ARHGAP35: variants seen among roughly 807,000 people sequenced by gnomAD.
The protein encoded by ARHGAP35 is Rho GTPase activating protein 35.
In ARHGAP35, 15 loss-of-function variants were observed where a neutral mutation model predicts 111.1. The ratio of observed to expected loss-of-function variants is 0.13; its 90% CI spans 0.09 to 0.21. ARHGAP35 has a LOEUF of 0.21. Among genes scored for constraint, ARHGAP35 ranks in the 10% least tolerant of loss-of-function variants. The probability of loss-of-function intolerance (pLI) is 1.00; values close to 1 mark genes in which losing one functional copy is unlikely to be tolerated. For synonymous variants in ARHGAP35, 643 were observed against 710.3 expected (o/e 0.91, Z 1.51); for missense variants, 1,262 against 1,873.0 (o/e 0.67, Z 6.02).
In ARHGAP35 at chr19:46,895,948, C is replaced by T. The variant is rs376391656; in HGVS notation, c.-188-22540C>T. ...TGAAACCCCATCTCTACTAAAAATA[C>T]GTAATTGGCTGGGCTTAGTGGCACA... is the stretch of plus-strand genomic sequence containing the variant. On this transcript the variant is annotated intron_variant, in intron 1 of 6. Transcript: ENST00000672722. Among the ~76,000 whole-genome samples the T allele has an allele frequency of 3.3e-4, 50 of 151,766 alleles. No individual in the cohort carries two copies. The East Asian group carries it at 5.5e-3, about 17-fold the overall frequency.
chr19:46,874,501 CTTTTTT>C (rs758783354), intron 1 of ARHGAP35, among the ~76,000 whole-genome samples: 2 of 114,466 alleles, frequency 1.7e-5, no homozygotes, highest in Admixed American at 1.0e-4. Flanking sequence ...TATGTTTTGT[CTTTTTT>C]TTTTTTTTTT....
At chr19:46,954,181 A>T (rs1043413663) in intron 3 of ARHGAP35, among the ~76,000 whole-genome samples, 1 of 152,186 alleles carries the variant, frequency 6.6e-6, no homozygotes, top group African/African-American at 2.4e-5. Context: ...AGCCCTCAGA[A>T]CCATGAGAAA....
At position 46,999,557 on chromosome 19, in the gene ARHGAP35, G is replaced by A. The variant is rs567270358; in HGVS notation, c.4142+148G>A. The A allele has an allele frequency of 1.3e-5, 8 of 612,520 alleles. No individual in the cohort carries two copies. The highest frequency in any genetic ancestry group is 4.1e-5 in the South Asian group (2 of 49,328). 37.9% of individuals were successfully genotyped at this position (612,520 alleles called of 1,614,324 possible). ...TGCTGGCTGGCCTCCCATGGTGCCC[G>A]CTGGTCTCGGTGCCCAGAGCCTCTG... On this transcript the variant is annotated intron_variant, in intron 6 of 6. Coordinates refer to ENST00000672722, the MANE Select transcript of ARHGAP35 (RefSeq NM_004491.5). This position sits in a 1 kb window ranked among gnomAD's most constrained non-coding sequence, Gnocchi z 5.4.
intron 1 of ARHGAP35, among the ~76,000 whole-genome samples, chr19:46,887,383 T>G (rs1417519080): frequency 6.6e-6 from 1 of 152,220 alleles, no homozygotes; most frequent in Non-Finnish European, 1.5e-5. Flanking sequence ...TGTAGTTTAG[T>G]TTTTTGTGCT....
At chr19:46,881,647 T>C (rs545670804) in intron 1 of ARHGAP35, among the ~76,000 whole-genome samples, 2 of 152,312 alleles carry the variant, frequency 1.3e-5, no homozygotes, top group African/African-American at 4.8e-5. Context: ...TAGAATACAG[T>C]TAGCATGATT....
intron 1 of ARHGAP35, among the ~76,000 whole-genome samples, chr19:46,877,035 A>G (rs1599794299): frequency 6.6e-6 from 1 of 151,374 alleles, no homozygotes; most frequent in Non-Finnish European, 1.5e-5. Context: ...GGATCACCTC[A>G]GGTCAGGAGT....
At chr19:46,864,808 ATTTATC>A (rs1198564633) in intron 1 of ARHGAP35, among the ~76,000 whole-genome samples, 6 of 152,204 alleles carry the variant, frequency 3.9e-5, no homozygotes, top group African/African-American at 1.4e-4. Context: ...AATTTTCTGA[ATTTATC>A]TTAGAGTTTG....
intron 1 of ARHGAP35, among the ~76,000 whole-genome samples, chr19:46,907,475 T>TC (rs536590064): frequency 0.011 from 1,329 of 125,968 alleles, 15 homozygotes; most frequent in African/African-American, 0.037. Flanking sequence ...TCTTAGCTTC[T>TC]TTTTTTGTTT....
chr19:46,890,639 T>C (rs1267057682), intron 1 of ARHGAP35, among the ~76,000 whole-genome samples: 1 of 152,210 alleles, frequency 6.6e-6, no homozygotes, highest in African/African-American at 2.4e-5. Context: ...ATTCATCTCA[T>C]TAGCTCATTG....
chr19:46,888,026 A>G (rs1031386206), intron 1 of ARHGAP35, among the ~76,000 whole-genome samples: 1 of 147,668 alleles, frequency 6.8e-6, no homozygotes, highest in African/African-American at 2.5e-5. Flanking sequence ...ATCTCGGCTT[A>G]CTGCAAGCTC....
Position 46,921,970 on chromosome 19 carries a change from A to G in ARHGAP35, c.3295A>G (p.Asn1099Asp). ...EPMDAVVKPR[N>D]EEENIYSVPH... is the part of the protein sequence containing the mutation. ...CATGGATGCTGTGGTGAAGCCAAGG[A>G]ATGAAGAAGAAAACATATACTCCGT... Residue 1099 changes from asparagine (N) to aspartate (D), a missense_variant, in exon 2 of 7, where the codon AAT becomes GAT. Transcript: ENST00000672722. The surrounding 1 kb of genome is among the most constrained non-coding windows in gnomAD (Gnocchi z 4.3). The G allele has an allele frequency of 1.2e-6, 2 of 1,614,008 alleles. No homozygotes were observed. The highest frequency in any genetic ancestry group is 1.6e-4 in the Middle Eastern group (1 of 6,062).
At chr19:46,934,285 T>A (rs1242533595) in intron 2 of ARHGAP35, among the ~76,000 whole-genome samples, 3 of 152,198 alleles carry the variant, frequency 2.0e-5, no homozygotes, top group Non-Finnish European at 4.4e-5. Context: ...TAGGAAACAT[T>A]TTAAGTGGGG....
At chr19:46,895,007 G>A (rs1217986317) in intron 1 of ARHGAP35, among the ~76,000 whole-genome samples, 2 of 152,268 alleles carry the variant, frequency 1.3e-5, no homozygotes, top group South Asian at 4.1e-4. Flanking sequence ...TAGTTGGTAG[G>A]AAAGGTACTT....
intron 1 of ARHGAP35, among the ~76,000 whole-genome samples, chr19:46,907,991 G>T (rs142108162): frequency 6.6e-6 from 1 of 152,294 alleles, no homozygotes; most frequent in African/African-American, 2.4e-5. Flanking sequence ...CATGCCATCA[G>T]GAAATAGTAA....
chr19:46,880,878 A>G (rs2055958858), intron 1 of ARHGAP35, among the ~76,000 whole-genome samples: 1 of 146,360 alleles, frequency 6.8e-6, no homozygotes, highest in Non-Finnish European at 1.5e-5. Flanking sequence ...GTCTTACTAC[A>G]TTGCCTGGGT....
rs538324466 is a variant in ARHGAP35, at chr19:46,943,408, C to G, written c.3826+6000C>G. The stretch of plus-strand genomic sequence containing the variant: ...AGGGCACACGTATGAATTGGGCTTA[C>G]GGGCTCCATAGGGTTGTATTGAATA... On this transcript the variant is annotated intron_variant, in intron 3 of 6. Coordinates refer to ENST00000672722, the MANE Select transcript of ARHGAP35 (RefSeq NM_004491.5). Among the ~76,000 whole-genome samples the G allele has an allele frequency of 2.0e-5, 3 of 152,258 alleles. No individual in the cohort carries two copies. In the East Asian group the frequency reaches 5.8e-4, roughly 29 times the overall value.
At chr19:46,964,580 A>G (rs912002201) in intron 3 of ARHGAP35, among the ~76,000 whole-genome samples, 1 of 152,174 alleles carries the variant, frequency 6.6e-6, no homozygotes, top group Non-Finnish European at 1.5e-5. Context: ...CTTTAAGTCT[A>G]CTTTTACTCC....
intron 5 of ARHGAP35, among the ~76,000 whole-genome samples, chr19:46,995,184 A>G (rs1260669324): frequency 6.6e-6 from 1 of 152,212 alleles, no homozygotes; most frequent in African/African-American, 2.4e-5. Context: ...TGGGAGGCCA[A>G]GGCGGGCAGA....
intron 1 of ARHGAP35, among the ~76,000 whole-genome samples, chr19:46,891,933 G>C (rs554997174): frequency 6.6e-6 from 1 of 151,864 alleles, no homozygotes; most frequent in East Asian, 2.0e-4. Flanking sequence ...TTGAGTTCAG[G>C]AGTTCGAGAC....
Sources: allele counts gnomAD v4.1 joint callset (sites outside exome capture counted in the v4.1 genomes callset), GRCh38; gene constraint gnomAD v4.1.1; non-coding constraint Gnocchi (gnomAD v3.1); transcripts MANE v1.5; gene names NCBI Gene and HGNC (gene_info 2026-07-23, HGNC 2026-07-21).